The following RGS8 variants were observed in gnomAD, a reference collection of about 807,000 sequenced individuals.
RGS8 encodes regulator of G protein signaling 8, also known as regulator of G-protein signaling 8.
RGS8 carries 8 observed loss-of-function variants against 21.7 expected under a neutral mutation model. That is an observed-to-expected ratio of 0.37 (90% CI 0.22 to 0.66). The LOEUF is 0.66. Ranked by LOEUF, RGS8 falls within the 30% of genes least tolerant of loss-of-function variation. The pLI, the probability that RGS8 is intolerant of heterozygous loss-of-function variation, is 0.59. For synonymous variants in RGS8, 80 were observed against 83.6 expected (o/e 0.96, Z 0.24); for missense variants, 157 against 217.9 (o/e 0.72, Z 1.76).
At chr1:182,682,634 T>A (rs1453849672) in intron 1 of RGS8, among the ~76,000 whole-genome samples, 1 of 152,180 alleles carries the variant, frequency 6.6e-6, no homozygotes, top group Non-Finnish European at 1.5e-5. Flanking sequence ...ATCACTCATT[T>A]TACAGATGAA....
downstream of RGS8, chr1:182,642,859 ACT>A (rs1434587734): frequency 6.9e-6 from 1 of 145,416 alleles, no homozygotes; most frequent in Non-Finnish European, 1.5e-5. Context: ...AGGACGTGAC[ACT>A]CTCCACTGAG....
At chr1:182,712,378 T>C in the RGS8 span, among the ~76,000 whole-genome samples, 4 of 152,358 alleles carry the variant, frequency 2.6e-5, no homozygotes, top group African/African-American at 9.6e-5. Flanking sequence ...GCCCAGACCC[T>C]GCCCTACAGG....
chr1:182,711,944 G>C, the RGS8 span, among the ~76,000 whole-genome samples: 1 of 152,170 alleles, frequency 6.6e-6, no homozygotes, highest in Non-Finnish European at 1.5e-5. Flanking sequence ...TGCTTGCATA[G>C]CTCTGTCCTG....
chr1:182,739,457 G>C, the RGS8 span, among the ~76,000 whole-genome samples: 2 of 152,234 alleles, frequency 1.3e-5, no homozygotes, highest in South Asian at 4.1e-4. Flanking sequence ...GTTTTTAAAG[G>C]CACACCAGCA....
chr1:182,644,393 CG>C (rs1424049273), downstream of RGS8: 1 of 152,236 alleles, frequency 6.6e-6, no homozygotes, highest in Non-Finnish European at 1.5e-5. Context: ...TTAGCTATCA[CG>C]TTCCTCTACA....
intron 4 of RGS8, 53 bp from the exon 6 acceptor site, chr1:182,666,086 C>T: frequency 2.7e-6 from 4 of 1,491,388 alleles, no homozygotes; most frequent in Non-Finnish European, 3.7e-6. Context: ...CCTCCTTGCC[C>T]TCAACAACCG....
At chr1:182,704,017 T>TATAAAGACTTTAC in the RGS8 span, among the ~76,000 whole-genome samples, 1 of 152,368 alleles carries the variant, frequency 6.6e-6, no homozygotes, top group East Asian at 1.9e-4. Context: ...AGAGGCAATA[T>TATAAAGACTTTAC]ATAAAGACTT....
chr1:182,654,291 T>TTGG (rs1663161006), intron 5 of RGS8, among the ~76,000 whole-genome samples: 1 of 152,080 alleles, frequency 6.6e-6, no homozygotes, highest in African/African-American at 2.4e-5. Flanking sequence ...AGAATAGTAT[T>TTGG]TGGTGAAGGC....
At chr1:182,737,574 G>T in the RGS8 span, among the ~76,000 whole-genome samples, 1 of 152,184 alleles carries the variant, frequency 6.6e-6, no homozygotes, top group African/African-American at 2.4e-5. Context: ...CCTGCTGCAT[G>T]TAAGACGTGC....
the RGS8 span, among the ~76,000 whole-genome samples, chr1:182,714,026 C>T: frequency 6.6e-6 from 1 of 152,140 alleles, no homozygotes; most frequent in Non-Finnish European, 1.5e-5. Flanking sequence ...TCTACCACGC[C>T]AATTTGACTT....
At chr1:182,738,161 T>A in the RGS8 span, among the ~76,000 whole-genome samples, 4 of 152,226 alleles carry the variant, frequency 2.6e-5, no homozygotes, top group Non-Finnish European at 5.9e-5. Flanking sequence ...TGTATTCACA[T>A]CTAAGATAAA....
At chr1:182,711,467 C>T in the RGS8 span, among the ~76,000 whole-genome samples, 1 of 152,136 alleles carries the variant, frequency 6.6e-6, no homozygotes, top group Non-Finnish European at 1.5e-5. Context: ...AGCTGGGAAG[C>T]AAAATAGGAC....
At chr1:182,722,153 C>T in the RGS8 span, among the ~76,000 whole-genome samples, 8 of 150,578 alleles carry the variant, frequency 5.3e-5, no homozygotes, top group African/African-American at 2.0e-4. Context: ...AAGGTAGTTC[C>T]AGAGGAAATT....
At chr1:182,662,049 C>T (rs867845353) in intron 5 of RGS8, among the ~76,000 whole-genome samples, 4 of 152,152 alleles carry the variant, frequency 2.6e-5, no homozygotes, top group Non-Finnish European at 5.9e-5. Flanking sequence ...CTTCCTGGAC[C>T]TCCATGGGTG....
At chr1:182,647,998 T>A in intron 6 of RGS8, 139 bp downstream of exon 7, 1 of 701,214 alleles carries the variant, frequency 1.4e-6, no homozygotes, top group Non-Finnish European at 2.1e-6. Flanking sequence ...TGATCCTTTT[T>A]TCATCAAGGG....
At chr1:182,718,233 G>T in the RGS8 span, among the ~76,000 whole-genome samples, 1 of 152,234 alleles carries the variant, frequency 6.6e-6, no homozygotes, top group Non-Finnish European at 1.5e-5. Flanking sequence ...AGGCAAGCCA[G>T]GCTCTGTGTC....
chr1:182,697,871 C>T, the RGS8 span, among the ~76,000 whole-genome samples: 3 of 152,142 alleles, frequency 2.0e-5, no homozygotes, highest in Admixed American at 2.0e-4. Context: ...CACCACTCTT[C>T]GTTGCAAATG....
chr1:182,721,317 G>C, the RGS8 span, among the ~76,000 whole-genome samples: 1 of 152,112 alleles, frequency 6.6e-6, no homozygotes, highest in East Asian at 1.9e-4. Flanking sequence ...AAAAACAGGA[G>C]AGGGGAAATG....
chr1:182,714,357 T>C, the RGS8 span: 1 of 152,248 alleles, frequency 6.6e-6, no homozygotes, highest in Non-Finnish European at 1.5e-5. Context: ...GCCGTGCTTA[T>C]CACTGTGGAC....
Sources: allele counts gnomAD v4.1 joint callset (sites outside exome capture counted in the v4.1 genomes callset), GRCh38; gene constraint gnomAD v4.1.1; transcripts MANE v1.5; gene names NCBI Gene and HGNC (gene_info 2026-07-23, HGNC 2026-07-21).